Variants in KATNBL1 observed in about 807,000 individuals in gnomAD.
KATNBL1 encodes KATNB1-like protein 1.
Under a neutral mutation model 44.7 loss-of-function variants are expected in KATNBL1, and 28 were observed. The ratio of observed to expected loss-of-function variants is 0.63; its 90% CI spans 0.46 to 0.86. KATNBL1 has a LOEUF of 0.86. Among genes scored for constraint, KATNBL1 ranks in the 40% least tolerant of loss-of-function variants. KATNBL1 has a pLI of 0.00. For synonymous variants in KATNBL1, 78 were observed against 114.9 expected (o/e 0.68, Z 2.06); for missense variants, 272 against 350.7 (o/e 0.78, Z 1.79).
chr15:34,154,550 T>C, intron 3 of KATNBL1, 94 bp downstream of exon 3: 2 of 782,232 alleles, frequency 2.6e-6, no homozygotes, highest in East Asian at 2.6e-5. Flanking sequence ...AGTTAATTAT[T>C]ATTATGATAA....
intron 2 of KATNBL1, among the ~76,000 whole-genome samples, chr15:34,161,646 T>C (rs1044523035): frequency 1.3e-5 from 2 of 152,116 alleles, no homozygotes; most frequent in African/African-American, 4.8e-5. Context: ...TTGGCTAGGG[T>C]TGGACCGCAC....
chr15:34,183,496 T>C (rs1889624656), intron 1 of KATNBL1, among the ~76,000 whole-genome samples: 1 of 152,206 alleles, frequency 6.6e-6, no homozygotes, highest in Non-Finnish European at 1.5e-5. Context: ...AATTCCCAGC[T>C]TTCCCACTTA....
At chr15:34,164,747 T>G (rs1300102655) in intron 1 of KATNBL1, among the ~76,000 whole-genome samples, 2 of 152,244 alleles carry the variant, frequency 1.3e-5, no homozygotes, top group African/African-American at 2.4e-5. Context: ...GCATTCACTA[T>G]AAGCCAGGCC....
chr15:34,142,184 T>G lies in KATNBL1; in HGVS notation c.*155A>C, dbSNP rs1444485428. On this transcript the variant is annotated 3_prime_UTR_variant, in exon 10 of 10. Transcript: ENST00000256544. Reference sequence around the variant, plus strand: ...TCAATGTGAAGCAGATTGCTGGGATTTCATTAGTGGTTTCATTACGTGGCT... The same window carrying G: ...TCAATGTGAAGCAGATTGCTGGGATGTCATTAGTGGTTTCATTACGTGGCT... The G allele has an allele frequency of 1.6e-5, 10 of 633,814 alleles. No homozygotes were observed. The highest frequency in any genetic ancestry group is 2.4e-5 in the Non-Finnish European group (10 of 415,714). 39.3% of individuals were successfully genotyped at this position (633,814 alleles called of 1,614,324 possible).
At chr15:34,192,630 G>A (rs1381337019) in intron 1 of KATNBL1, among the ~76,000 whole-genome samples, 2 of 152,104 alleles carry the variant, frequency 1.3e-5, no homozygotes, top group South Asian at 2.1e-4. Context: ...GTGAAAGTCC[G>A]GGGAGGGAGA....
chr15:34,183,121 T>C (rs1889614738), intron 1 of KATNBL1, among the ~76,000 whole-genome samples: 1 of 152,150 alleles, frequency 6.6e-6, no homozygotes, highest in Non-Finnish European at 1.5e-5. Context: ...ATCCTGGAGG[T>C]GCCAGAAACA....
chr15:34,195,672 CAG>C (rs1000658478), intron 1 of KATNBL1, among the ~76,000 whole-genome samples: 11 of 137,988 alleles, frequency 8.0e-5, no homozygotes, highest in African/African-American at 3.5e-4. Context: ...GCCTGGGCAA[CAG>C]AGAGAGACGC....
intron 3 of KATNBL1, among the ~76,000 whole-genome samples, chr15:34,153,984 C>T (rs1183187803): frequency 5.9e-5 from 9 of 152,138 alleles, no homozygotes; most frequent in Non-Finnish European, 1.0e-4. Flanking sequence ...GAATATCTTA[C>T]CCAAAACCCA....
At chr15:34,170,857 G>A (rs573230249) in intron 1 of KATNBL1, among the ~76,000 whole-genome samples, 2 of 152,268 alleles carry the variant, frequency 1.3e-5, no homozygotes, top group East Asian at 1.9e-4. Flanking sequence ...TTTCATAAAC[G>A]GTGCTGGGAA....
chr15:34,161,215 C>A (rs1888793594), intron 2 of KATNBL1, among the ~76,000 whole-genome samples: 1 of 152,192 alleles, frequency 6.6e-6, no homozygotes, highest in South Asian at 2.1e-4. Flanking sequence ...CGTTTCTTAC[C>A]TTGGTCTATG....
intron 2 of KATNBL1, among the ~76,000 whole-genome samples, chr15:34,155,618 T>C (rs1888615342): frequency 6.6e-6 from 1 of 152,184 alleles, no homozygotes; most frequent in Non-Finnish European, 1.5e-5. Context: ...GCGGTATTGT[T>C]TGGGATGAAG....
At chr15:34,193,851 C>CTAAAAAAA (rs1889957082) in intron 1 of KATNBL1, among the ~76,000 whole-genome samples, 1 of 63,552 alleles carries the variant, frequency 1.6e-5, no homozygotes, top group Non-Finnish European at 2.8e-5. Context: ...GGCCCTGTCT[C>CTAAAAAAA]AAAAAAAAAA....
intron 1 of KATNBL1, among the ~76,000 whole-genome samples, chr15:34,164,774 T>C (rs1300721659): frequency 1.3e-5 from 2 of 152,236 alleles, no homozygotes; most frequent in Admixed American, 6.5e-5. Context: ...TTAATGTAGA[T>C]GGTGCTCAGA....
chr15:34,173,321 A>G (rs768145518), intron 1 of KATNBL1, among the ~76,000 whole-genome samples: 19 of 152,236 alleles, frequency 1.2e-4, no homozygotes, highest in Non-Finnish European at 2.5e-4. Flanking sequence ...ATTTCACAGT[A>G]GTAGGGAAGC....
rs538668850 is a variant in KATNBL1, at chr15:34,194,708, G to A, written c.-15+15243C>T. On this transcript the variant is annotated intron_variant, in intron 1 of 9. Coordinates refer to ENST00000256544, the MANE Select transcript of KATNBL1 (RefSeq NM_024713.3). ...GTATCTACAAACTATATATCTGACA[G>A]TGGACCGATATCCAGAATTTATAAG... Among the ~76,000 whole-genome samples the A allele has an allele frequency of 6.5e-4, 99 of 152,294 alleles. 1 individual carries two copies. Among genetic ancestry groups the A allele is most frequent in the Middle Eastern group, 6.8e-3 (2 of 294 alleles).
rs1316594212 is a variant in KATNBL1, at chr15:34,182,613, C to A, written c.-14-18923G>T. Among the ~76,000 whole-genome samples the A allele has an allele frequency of 9.9e-5, 15 of 152,158 alleles. No individual in the cohort carries two copies. The South Asian group carries it at 2.9e-3, about 29-fold the overall frequency. On this transcript the variant is annotated intron_variant, in intron 1 of 9. Coordinates refer to ENST00000256544, the MANE Select transcript of KATNBL1 (RefSeq NM_024713.3). ...TCACCCCACCTGAGGTAAATGTTTA[C>A]CATCCTAGACTGGTTTATTCATGAT...
chr15:34,195,622 T>C (rs9920902), intron 1 of KATNBL1, among the ~76,000 whole-genome samples: 119,236 of 150,240 alleles, frequency 0.79, 48,086 homozygotes, highest in Non-Finnish European at 0.87. Context: ...ACCTGGGAGG[T>C]GGAGGTTGCA....
chr15:34,205,891 A>G (rs904838191), intron 1 of KATNBL1, among the ~76,000 whole-genome samples: 3 of 152,280 alleles, frequency 2.0e-5, no homozygotes, highest in African/African-American at 7.2e-5. Flanking sequence ...TTTCTTCCTC[A>G]ATCCTATCAT....
intron 2 of KATNBL1, among the ~76,000 whole-genome samples, chr15:34,159,747 G>A (rs140872380): frequency 6.0e-4 from 92 of 152,264 alleles, no homozygotes; most frequent in African/African-American, 2.2e-3. Flanking sequence ...GGAGGCCTAA[G>A]CCTAATTTTA....
Sources: gnomAD v4.1 joint callset for allele counts (sites outside exome capture counted in the v4.1 genomes callset) on GRCh38, gnomAD v4.1.1 for gene constraint, MANE v1.5 for transcripts, NCBI Gene and HGNC (gene_info 2026-07-23, HGNC 2026-07-21) for gene names.